Variants in FMNL1 observed in about 807,000 individuals in gnomAD.
The protein encoded by FMNL1 is formin like 1.
Under a neutral mutation model 121.3 loss-of-function variants are expected in FMNL1, and 43 were observed. That is an observed-to-expected ratio of 0.35 (90% CI 0.28 to 0.46). The LOEUF (loss-of-function observed/expected upper bound fraction) is 0.46, where lower values mean the gene tolerates loss of function less well. FMNL1 is among the 20% of genes least tolerant of loss of function. FMNL1 has a pLI of 1.00. For synonymous variants in FMNL1, 613 were observed against 613.5 expected (o/e 1.00, Z 0.01); for missense variants, 1,191 against 1,482.4 (o/e 0.80, Z 3.23).
intron 1 of FMNL1, among the ~76,000 whole-genome samples, chr17:45,228,297 C>T (rs941716532): frequency 1.3e-5 from 2 of 152,214 alleles, no homozygotes; most frequent in African/African-American, 4.8e-5. Context: ...GGCATGTGGG[C>T]CTGGGGGCCT....
intron 1 of FMNL1, among the ~76,000 whole-genome samples, chr17:45,229,207 C>T (rs113844281): frequency 2.0e-5 from 3 of 152,168 alleles, no homozygotes; most frequent in East Asian, 1.9e-4. Flanking sequence ...CCGCTGGGGG[C>T]GGGGGGCCTG....
In FMNL1 at chr17:45,238,561, C is replaced by T. The variant is rs199710165; in HGVS notation, c.895-3C>T. On this transcript the variant is annotated splice_region_variant and splice_polypyrimidine_tract_variant and intron_variant, in intron 9 of 26. Transcript: ENST00000331495. ...CTCAGTGAGAGCCATTCCCCTTACC[C>T]AGGTGTGTGGGGAGCAGCACCGCTT... is the stretch of plus-strand genomic sequence containing the variant. 5.7e-3 allele frequency: 9,267 copies of T among 1,614,108 alleles called. 72 individuals carry two copies. The highest frequency in any genetic ancestry group is 0.036 in the Middle Eastern group (216 of 6,058).
chr17:45,222,366 G>C, intron 1 of FMNL1, 113 bp downstream of exon 1: 1 of 917,636 alleles, frequency 1.1e-6, no homozygotes, highest in Non-Finnish European at 1.4e-6. Flanking sequence ...GAGATCCCCG[G>C]TCCGGCAGCT....
chr17:45,241,474 C>T lies in FMNL1; in HGVS notation c.1425C>T (p.Ala475=). 6.4e-7 allele frequency: 1 copy of T among 1,573,948 alleles called. No individual in the cohort carries two copies. The highest frequency in any genetic ancestry group is 8.6e-7 in the Non-Finnish European group (1 of 1,160,432). ...APPAAPTRPS[A]LELKVEELEE... ...CCGCTGCCCCGACGCGGCCCTCGGC[C>T]CTGGAGCTGAAGGTGGAGGAGCTGG... The change falls in exon 14 of 27, where the codon GCC becomes GCT. Residue 475 remains alanine (A), a synonymous_variant. Transcript: ENST00000331495. This position sits in a 1 kb window ranked among gnomAD's most constrained non-coding sequence, Gnocchi z 7.0.
At chr17:45,224,418 C>T (rs2043292343) in intron 1 of FMNL1, among the ~76,000 whole-genome samples, 1 of 152,186 alleles carries the variant, frequency 6.6e-6, no homozygotes, top group Non-Finnish European at 1.5e-5. Context: ...GTCCTGTCCT[C>T]GGTCAGTGTC....
At chr17:45,243,075 CCCCAGCCCCA>C (rs1403687127) in intron 16 of FMNL1, 33 bp from the exon 17 acceptor site, 1 of 1,605,830 alleles carries the variant, frequency 6.2e-7, no homozygotes, top group Non-Finnish European at 8.5e-7. Flanking sequence ...GAGTGCCAGA[CCCCAGCCCCA>C]CCCAGCTCCG....
At chr17:45,239,142 C>G (rs551736076) in intron 11 of FMNL1, 77 bp downstream of exon 11, 1 of 1,280,124 alleles carries the variant, frequency 7.8e-7, no homozygotes, top group South Asian at 1.2e-5. Context: ...AGCATGAGTG[C>G]TGGGGTCAGG....
At chr17:45,224,028 A>T (rs1032948532) in intron 1 of FMNL1, among the ~76,000 whole-genome samples, 3 of 152,184 alleles carry the variant, frequency 2.0e-5, no homozygotes, top group African/African-American at 7.2e-5. Flanking sequence ...GGACACCCAC[A>T]GGTGGGTCAG....
Position 45,240,967 on chromosome 17 carries a change from G to A in FMNL1, c.1231-162G>A, listed in dbSNP as rs906147351. ...GTACCTTGGTTTCCTCTCCTTATTT[G>A]CTTGGGTTCGAGTGCCAGGCTCGGC... On this transcript the variant is annotated intron_variant, in intron 12 of 26. Transcript: ENST00000331495. 7 of 838,228 alleles carry A rather than the reference G, an allele frequency of 8.4e-6. No homozygotes were observed. In the Admixed American group the frequency reaches 1.6e-4, roughly 20 times the overall value. The allele number at this position is 838,228 out of a possible 1,614,324, so 51.9% of individuals were successfully genotyped here.
chr17:45,241,838 C>T lies in FMNL1; in HGVS notation c.1586-9C>T, dbSNP rs576717957. 337 of 1,426,784 alleles carry T rather than the reference C, an allele frequency of 2.4e-4. 2 individuals carry two copies. The Middle Eastern group carries it at 3.1e-3, about 13-fold the overall frequency. The allele number at this position is 1,426,784 out of a possible 1,614,324, so 88.4% of individuals were successfully genotyped here. A position where few individuals can be genotyped will look rare whatever the true frequency, so the allele number is the denominator to read the frequency against. Reference sequence around the variant, plus strand: ...GCGCCTCCCCCACGCCGCGCCCTCGCTGGCTCAGATCTCGCACCTGCAGCA... The same window carrying T: ...GCGCCTCCCCCACGCCGCGCCCTCGTTGGCTCAGATCTCGCACCTGCAGCA... On this transcript the variant is annotated splice_polypyrimidine_tract_variant and intron_variant, in intron 14 of 26. Transcript: ENST00000331495. The surrounding 1 kb of genome is among the most constrained non-coding windows in gnomAD (Gnocchi z 7.0).
chr17:45,246,248 C>T lies in FMNL1; in HGVS notation c.3129C>T (p.Ile1043=), dbSNP rs749495804. ...PKARRPQMDL[I]SELKRRQQKE... ...CCCGGCGGCCACAGATGGACCTCATCTCTGAGCTGAAACGGAGGCAGCAGA... is the reference window on the plus strand; with the variant it reads ...CCCGGCGGCCACAGATGGACCTCATTTCTGAGCTGAAACGGAGGCAGCAGA... Residue 1043 remains isoleucine (I), a synonymous_variant, in exon 25 of 27, where the codon ATC becomes ATT. Coordinates refer to ENST00000331495, the MANE Select transcript of FMNL1 (RefSeq NM_005892.4). 6.2e-7 allele frequency: 1 copy of T among 1,613,956 alleles called. No individual in the cohort carries two copies. The highest frequency in any genetic ancestry group is 8.5e-7 in the Non-Finnish European group (1 of 1,179,856).
Position 45,236,251 on chromosome 17 carries a change from C to G in FMNL1, c.723+7C>G. 2 of 1,612,452 alleles carry G rather than the reference C, an allele frequency of 1.2e-6. No homozygotes were observed. Among genetic ancestry groups the G allele is most frequent in the Non-Finnish European group, 1.7e-6 (2 of 1,178,978 alleles). On this transcript the variant is annotated splice_region_variant and intron_variant, in intron 7 of 26. Transcript: ENST00000331495. ...CGCCATCATGAACTACCAGGTCAGC[C>G]GAGGGGCATGGGACTGGCGACTAGG...
At chr17:45,242,563 A>G in intron 16 of FMNL1, 98 bp downstream of exon 16, 2 of 1,497,698 alleles carry the variant, frequency 1.3e-6, no homozygotes, top group Non-Finnish European at 1.8e-6. Flanking sequence ...TCTCCAAGCC[A>G]TTTCACAGAT....
Position 45,221,972 on chromosome 17 carries a change from C to A in FMNL1, c.-153C>A. 4.1e-6 allele frequency: 2 copies of A among 491,828 alleles called. No individual in the cohort carries two copies. The highest frequency in any genetic ancestry group is 3.0e-6 in the Non-Finnish European group (1 of 332,084). The allele number at this position is 491,828 out of a possible 1,614,324, so 30.5% of individuals were successfully genotyped here. A position where few individuals can be genotyped will look rare whatever the true frequency, so the allele number is the denominator to read the frequency against. ...ACGCCGCGCTCCGGCCCCTGCGCGCCGCTGAGCCGAGCGCCCCCCGCTGCC... is the reference window on the plus strand; with the variant it reads ...ACGCCGCGCTCCGGCCCCTGCGCGCAGCTGAGCCGAGCGCCCCCCGCTGCC... On this transcript the variant is annotated 5_prime_UTR_variant, in exon 1 of 27. Coordinates refer to ENST00000331495, the MANE Select transcript of FMNL1 (RefSeq NM_005892.4).
At position 45,245,627 on chromosome 17, in the gene FMNL1, C is replaced by T; in HGVS notation, c.2893-5C>T. 6.2e-7 allele frequency: 1 copy of T among 1,614,068 alleles called. No individual in the cohort carries two copies. The stretch of plus-strand genomic sequence containing the variant: ...AGCTGGGGGGCTGACAGGCTGTGCC[C>T]ACAGGAGGCCTTTGAGTCTGTGGTG... On this transcript the variant is annotated splice_region_variant and splice_polypyrimidine_tract_variant and intron_variant, in intron 22 of 26. Coordinates refer to ENST00000331495, the MANE Select transcript of FMNL1 (RefSeq NM_005892.4).
chr17:45,238,791 C>G, intron 10 of FMNL1, 153 bp downstream of exon 10: 1 of 1,131,494 alleles, frequency 8.8e-7, no homozygotes, highest in Non-Finnish European at 1.3e-6. Context: ...TGGCAGGGGG[C>G]TGGATTGAGG....
At chr17:45,225,397 G>T (rs143657968) in intron 1 of FMNL1, among the ~76,000 whole-genome samples, 1 of 152,344 alleles carries the variant, frequency 6.6e-6, no homozygotes, top group South Asian at 2.1e-4. Context: ...TGGGGACCTG[G>T]AGCCATGGGG....
chr17:45,236,189 A>G lies in FMNL1; in HGVS notation c.668A>G (p.Gln223Arg), dbSNP rs535461614. The G allele has an allele frequency of 6.2e-6, 10 of 1,613,986 alleles. No homozygotes were observed. The Admixed American group carries it at 1.7e-4, about 27-fold the overall frequency. Residue 223 changes from glutamine (Q) to arginine (R), a missense_variant, in exon 7 of 27, where the codon CAG becomes CGG. Transcript: ENST00000331495. ...CTGCGGAATTCCCGCATCGTCAGCCAGAAGGACGACGTCCACGTCTGTATT... is the reference window on the plus strand; with the variant it reads ...CTGCGGAATTCCCGCATCGTCAGCCGGAAGGACGACGTCCACGTCTGTATT... ...KALRNSRIVSQKDDVHVCIMC... is the reference protein window; with the variant it reads ...KALRNSRIVSRKDDVHVCIMC...
chr17:45,224,100 C>T (rs2043284311), intron 1 of FMNL1, among the ~76,000 whole-genome samples: 2 of 152,124 alleles, frequency 1.3e-5, no homozygotes, highest in African/African-American at 4.8e-5. Context: ...GCAGCACCCA[C>T]CAGGGCTTAC....
Sources: gnomAD v4.1 joint callset for allele counts (sites outside exome capture counted in the v4.1 genomes callset) on GRCh38, gnomAD v4.1.1 for gene constraint, Gnocchi (gnomAD v3.1) non-coding constraint, MANE v1.5 for transcripts, NCBI Gene and HGNC (gene_info 2026-07-23, HGNC 2026-07-21) for gene names.